HMCN1: variants seen among roughly 807,000 people sequenced by gnomAD.
The protein encoded by HMCN1 is hemicentin 1.
HMCN1 carries 321 observed loss-of-function variants against 625.9 expected under a neutral mutation model. The ratio of observed to expected loss-of-function variants is 0.51; its 90% CI spans 0.47 to 0.56. The LOEUF (loss-of-function observed/expected upper bound fraction) is 0.56. HMCN1 is among the 20% of genes least tolerant of loss of function. HMCN1 has a pLI of 0.00. For missense variants in HMCN1, 6,588 were observed against 6,887.3 expected, an observed-to-expected ratio of 0.96 and a Z score of 1.54; for synonymous variants, 2,425 against 2,417.6, an observed-to-expected ratio of 1.00 and a Z score of -0.09.
chr1:185,997,006 TAAG>T (rs2102051017), intron 24 of HMCN1, among the ~76,000 whole-genome samples: 1 of 152,220 alleles, frequency 6.6e-6, no homozygotes, highest in East Asian at 1.9e-4. Context: ...AGGATCCCCA[TAAG>T]AAGTCTATTG....
intron 35 of HMCN1, among the ~76,000 whole-genome samples, chr1:186,020,355 A>T (rs1436027220): frequency 1.3e-5 from 2 of 152,034 alleles, no homozygotes. Context: ...TAATTGACTA[A>T]TGTGGGCTTG....
chr1:185,945,585 G>A (rs973525384), intron 11 of HMCN1, among the ~76,000 whole-genome samples: 4 of 152,166 alleles, frequency 2.6e-5, no homozygotes, highest in African/African-American at 9.6e-5. Flanking sequence ...GGTGCTACCG[G>A]AGCTTTTAAT....
At chr1:185,901,322 C>T (rs1665793456) in intron 4 of HMCN1, among the ~76,000 whole-genome samples, 1 of 151,722 alleles carries the variant, frequency 6.6e-6, no homozygotes. Context: ...TTCTTCCCTT[C>T]CTTATTTCCT....
At chr1:186,168,592 G>A (rs6672327) in intron 100 of HMCN1, among the ~76,000 whole-genome samples, 11,694 of 152,128 alleles carry the variant, frequency 0.077, 1,176 homozygotes, top group African/African-American at 0.23. Flanking sequence ...TGTAAGGTGA[G>A]GAAGTGAAGA....
chr1:185,929,618 A>T (rs1259009404), intron 10 of HMCN1, among the ~76,000 whole-genome samples: 1 of 152,094 alleles, frequency 6.6e-6, no homozygotes, highest in Non-Finnish European at 1.5e-5. Flanking sequence ...TTTAGTGCTG[A>T]TGTGCATTTT....
At chr1:186,051,598 G>C (rs1404287311) in intron 42 of HMCN1, among the ~76,000 whole-genome samples, 1 of 152,026 alleles carries the variant, frequency 6.6e-6, no homozygotes, top group Non-Finnish European at 1.5e-5. Context: ...ATGTAATTGT[G>C]TCATTTTCTT....
chr1:185,842,048 G>A (rs1190217150), intron 1 of HMCN1, among the ~76,000 whole-genome samples: 1 of 152,028 alleles, frequency 6.6e-6, no homozygotes, highest in Non-Finnish European at 1.5e-5. Flanking sequence ...ATCTCCCTTG[G>A]TTCTTTCTGG....
chr1:185,759,567 C>A (rs563280914), intron 1 of HMCN1, among the ~76,000 whole-genome samples: 13 of 152,268 alleles, frequency 8.5e-5, no homozygotes, highest in African/African-American at 2.9e-4. Flanking sequence ...AAGCTATGTG[C>A]TTATTGCAAA....
At chr1:186,083,005 A>G in intron 57 of HMCN1, 44 bp downstream of exon 57, 1 of 1,193,270 alleles carries the variant, frequency 8.4e-7, no homozygotes, top group Non-Finnish European at 1.2e-6. Flanking sequence ...TATGCTTGGA[A>G]AAGCAGAAAA....
chr1:186,110,636 T>C (rs1209533219), intron 71 of HMCN1, among the ~76,000 whole-genome samples: 1 of 152,136 alleles, frequency 6.6e-6, no homozygotes, highest in Non-Finnish European at 1.5e-5. Flanking sequence ...AAGATTTCTG[T>C]ATGTGTATTT....
intron 4 of HMCN1, among the ~76,000 whole-genome samples, chr1:185,871,748 A>T (rs1305875822): frequency 7.1e-6 from 1 of 140,794 alleles, no homozygotes; most frequent in East Asian, 1.9e-4. Flanking sequence ...TTCAATACTT[A>T]AAAAAAACTG....
intron 62 of HMCN1, 103 bp from the exon 63 acceptor site, chr1:186,088,503 A>G: frequency 7.1e-7 from 1 of 1,414,918 alleles, no homozygotes; most frequent in Non-Finnish European, 9.6e-7. Context: ...AACTTTTAAG[A>G]AATGCATTTA....
chr1:186,157,048 G>A (rs920459972), intron 97 of HMCN1, among the ~76,000 whole-genome samples: 1 of 152,168 alleles, frequency 6.6e-6, no homozygotes, highest in Non-Finnish European at 1.5e-5. Context: ...AATTCTAGTA[G>A]AAATGGGACC....
intron 50 of HMCN1, among the ~76,000 whole-genome samples, chr1:186,069,107 C>T (rs910461384): frequency 6.6e-6 from 1 of 152,190 alleles, no homozygotes; most frequent in South Asian, 2.1e-4. Context: ...ACCCACTACC[C>T]GAAACTTGAG....
At chr1:186,043,735 G>T (rs910938323) in intron 40 of HMCN1, among the ~76,000 whole-genome samples, 2 of 152,106 alleles carry the variant, frequency 1.3e-5, no homozygotes, top group Non-Finnish European at 2.9e-5. Context: ...CTTCCTGAGT[G>T]CTAGGACTTG....
At chr1:186,082,146 G>T (rs1659203254) in intron 56 of HMCN1, among the ~76,000 whole-genome samples, 2 of 152,110 alleles carry the variant, frequency 1.3e-5, no homozygotes, top group Admixed American at 1.3e-4. Context: ...CAATGGTTCT[G>T]TGTCCAAGTC....
At chr1:185,813,264 G>A (rs1659642031) in intron 1 of HMCN1, among the ~76,000 whole-genome samples, 1 of 152,098 alleles carries the variant, frequency 6.6e-6, no homozygotes, top group South Asian at 2.1e-4. Context: ...AATCACTGAG[G>A]TTTTGTTTGA....
Position 186,076,458 on chromosome 1 carries a change from T to C in HMCN1, c.8321T>C (p.Ile2774Thr), listed in dbSNP as rs1479372815. The C allele has an allele frequency of 1.9e-6, 3 of 1,613,494 alleles. No homozygotes were observed. Among genetic ancestry groups the C allele is most frequent in the African/African-American group, 1.3e-5 (1 of 74,912 alleles). ...VPPSFQKLWE[I>T]GNMLDTGRNG... The stretch of plus-strand genomic sequence containing the variant: ...CCAAGTTTTCAGAAACTCTGGGAAA[T>C]AGGAAACATGCTAGATACTGGCAGG... The change falls in exon 54 of 107, where the codon ATA becomes ACA. Residue 2774 changes from isoleucine (I) to threonine (T), a missense_variant. Around this residue, in one of 3 missense-constraint regions of HMCN1, gnomAD observed 4,628 missense variants for 4,853.1 expected, o/e 0.95. Coordinates refer to ENST00000271588, the MANE Select transcript of HMCN1 (RefSeq NM_031935.3).
chr1:186,123,179 T>G lies in HMCN1; in HGVS notation c.12458T>G (p.Val4153Gly). 6.2e-7 allele frequency: 1 copy of G among 1,614,022 alleles called. No individual in the cohort carries two copies. The highest frequency in any genetic ancestry group is 8.5e-7 in the Non-Finnish European group (1 of 1,179,944). Residue 4153 changes from valine (V) to glycine (G), a missense_variant, in exon 81 of 107, where the codon GTA (valine) becomes GGA (glycine). Physicochemically the swap from Val to Gly is moderately radical, Grantham distance 109. Transcript: ENST00000271588. ...CATTACACGTGCATGGCAGCCAATGTAGCAGGATCAAGCAGCACAAGCACC... is the reference window on the plus strand; with the variant it reads ...CATTACACGTGCATGGCAGCCAATGGAGCAGGATCAAGCAGCACAAGCACC... The part of the protein sequence containing the change: ...AGHYTCMAAN[V>G]AGSSSTSTKL...
Sources: allele counts gnomAD v4.1 joint callset (sites outside exome capture counted in the v4.1 genomes callset), GRCh38; gene constraint gnomAD v4.1.1; regional missense constraint gnomAD v4.1.1; transcripts MANE v1.5; gene names NCBI Gene and HGNC (gene_info 2026-07-23, HGNC 2026-07-21).